Variants in CNTNAP2 observed in about 807,000 individuals in gnomAD.
CNTNAP2 encodes the protein contactin-associated protein-like 2.
In CNTNAP2, 98 loss-of-function variants were observed where a neutral mutation model predicts 155.2. The observed-to-expected ratio is 0.63, with a 90% CI of 0.54 to 0.75. The LOEUF (loss-of-function observed/expected upper bound fraction) is 0.75. Among genes scored for constraint, CNTNAP2 ranks in the 30% least tolerant of loss-of-function variants. CNTNAP2 has a pLI of 0.00. For synonymous variants in CNTNAP2, 651 were observed against 631.2 expected, an observed-to-expected ratio of 1.03 and a Z score of -0.47; for missense variants, 1,727 against 1,688.1, an observed-to-expected ratio of 1.02 and a Z score of -0.40.
chr7:146,391,469 A>G (rs1404005204), intron 1 of CNTNAP2, among the ~76,000 whole-genome samples: 1 of 152,042 alleles, frequency 6.6e-6, no homozygotes, highest in Non-Finnish European at 1.5e-5. Context: ...TTATAGTTTT[A>G]TGAGATTGCC....
At chr7:147,409,332 A>G (rs971834537) in intron 10 of CNTNAP2, among the ~76,000 whole-genome samples, 1 of 152,260 alleles carries the variant, frequency 6.6e-6, no homozygotes, top group African/African-American at 2.4e-5. Flanking sequence ...TGGTGCTGGG[A>G]TAACTGGCTA....
intron 13 of CNTNAP2, among the ~76,000 whole-genome samples, chr7:147,868,612 T>C (rs931720783): frequency 6.6e-6 from 1 of 152,216 alleles, no homozygotes; most frequent in Non-Finnish European, 1.5e-5. Context: ...CTTGCTGAGC[T>C]GTGGTGGGCT....
At chr7:146,355,659 A>T (rs1415492773) in intron 1 of CNTNAP2, among the ~76,000 whole-genome samples, 2 of 152,214 alleles carry the variant, frequency 1.3e-5, no homozygotes, top group Non-Finnish European at 2.9e-5. Context: ...ACTTAAATAC[A>T]GTTAGATACT....
intron 1 of CNTNAP2, among the ~76,000 whole-genome samples, chr7:146,389,223 TCACACACA>T (rs3050929): frequency 4.7e-4 from 62 of 133,294 alleles, no homozygotes; most frequent in Admixed American, 4.1e-3. Context: ...TAGGAAATAG[TCACACACA>T]CACACACACA....
At chr7:147,051,370 C>T (rs959562957) in intron 4 of CNTNAP2, among the ~76,000 whole-genome samples, 2 of 151,846 alleles carry the variant, frequency 1.3e-5, no homozygotes, top group Non-Finnish European at 2.9e-5. Flanking sequence ...TCAATTTATT[C>T]AGTGAACCTG....
At chr7:146,347,359 T>C (rs1794835156) in intron 1 of CNTNAP2, among the ~76,000 whole-genome samples, 2 of 152,100 alleles carry the variant, frequency 1.3e-5, no homozygotes, top group Non-Finnish European at 2.9e-5. Flanking sequence ...AACTTCCCTG[T>C]TGGGAAAGCA....
At chr7:147,827,126 T>A (rs1190070012) in intron 13 of CNTNAP2, among the ~76,000 whole-genome samples, 1 of 152,040 alleles carries the variant, frequency 6.6e-6, no homozygotes, top group Admixed American at 6.6e-5. Flanking sequence ...GAGATGGGGT[T>A]TCGCCATTCA....
intron 20 of CNTNAP2, among the ~76,000 whole-genome samples, chr7:148,264,454 G>A (rs1242000015): frequency 2.0e-5 from 3 of 151,110 alleles, no homozygotes; most frequent in African/African-American, 4.9e-5. Context: ...TATTTTTATC[G>A]ACACAGAGCG....
chr7:147,116,332 G>C (rs540442837), intron 5 of CNTNAP2, among the ~76,000 whole-genome samples: 6 of 152,270 alleles, frequency 3.9e-5, no homozygotes, highest in Admixed American at 6.5e-5. Flanking sequence ...AAGCAGTCTG[G>C]CTGCTTTTTG....
At chr7:146,849,363 G>A (rs749612312) in intron 3 of CNTNAP2, among the ~76,000 whole-genome samples, 1 of 152,102 alleles carries the variant, frequency 6.6e-6, no homozygotes, top group Non-Finnish European at 1.5e-5. Context: ...TTGAATCCAG[G>A]TATACTGACC....
intron 3 of CNTNAP2, among the ~76,000 whole-genome samples, chr7:146,980,252 G>A (rs1296143849): frequency 6.6e-6 from 1 of 152,134 alleles, no homozygotes; most frequent in Non-Finnish European, 1.5e-5. Flanking sequence ...AGGCAAAACA[G>A]AATGTCAGAA....
At chr7:147,796,582 T>TAAA (rs60131482) in intron 13 of CNTNAP2, among the ~76,000 whole-genome samples, 1 of 102,826 alleles carries the variant, frequency 9.7e-6, no homozygotes. Flanking sequence ...CAGGATTTAT[T>TAAA]AAAAAAAAAA....
At chr7:147,658,083 C>T (rs1795553314) in intron 13 of CNTNAP2, among the ~76,000 whole-genome samples, 1 of 130,078 alleles carries the variant, frequency 7.7e-6, no homozygotes, top group Non-Finnish European at 1.7e-5. Flanking sequence ...GGTGAAACCC[C>T]GTCTCTACTA....
At chr7:148,333,741 A>G (rs1244758597) in intron 21 of CNTNAP2, among the ~76,000 whole-genome samples, 2 of 152,226 alleles carry the variant, frequency 1.3e-5, no homozygotes, top group Non-Finnish European at 2.9e-5. Flanking sequence ...CACTGCAGTC[A>G]GAAGAGATGC....
chr7:146,163,782 A>G (rs963778436), intron 1 of CNTNAP2, among the ~76,000 whole-genome samples: 2 of 151,944 alleles, frequency 1.3e-5, no homozygotes, highest in Non-Finnish European at 2.9e-5. Context: ...TTTGTAAGGA[A>G]GAGGGCAGAC....
At chr7:148,079,309 G>A (rs557633359) in intron 15 of CNTNAP2, among the ~76,000 whole-genome samples, 1 of 152,298 alleles carries the variant, frequency 6.6e-6, no homozygotes, top group South Asian at 2.1e-4. Flanking sequence ...GGAAGCCAAG[G>A]GTAGAAGGGG....
At position 147,555,712 on chromosome 7, in the gene CNTNAP2, G is replaced by T. The variant is rs7779042; in HGVS notation, c.1778-6426G>T. 3.6e-3 allele frequency among the ~76,000 whole-genome samples: 549 copies of T among 152,186 alleles called. 7 individuals are homozygous for T. The highest frequency in any genetic ancestry group is 0.012 in the African/African-American group (514 of 41,516). ...AAGTTTCTCACATGGGTTAATACCCGGCCACTTCTAGTGATCCTCATGCTT... is the reference window on the plus strand; with the variant it reads ...AAGTTTCTCACATGGGTTAATACCCTGCCACTTCTAGTGATCCTCATGCTT... On this transcript the variant is annotated intron_variant, in intron 11 of 23. Coordinates refer to ENST00000361727, the MANE Select transcript of CNTNAP2 (RefSeq NM_014141.6).
intron 1 of CNTNAP2, among the ~76,000 whole-genome samples, chr7:146,218,032 CA>C (rs1237223638): frequency 6.6e-6 from 1 of 151,934 alleles, no homozygotes; most frequent in Non-Finnish European, 1.5e-5. Flanking sequence ...ATGTATGGAC[CA>C]AAGGCAAATT....
chr7:146,952,256 C>G (rs1482437832), intron 3 of CNTNAP2, among the ~76,000 whole-genome samples: 1 of 152,008 alleles, frequency 6.6e-6, no homozygotes, highest in Non-Finnish European at 1.5e-5. Context: ...TCTCAATAAA[C>G]TAGGTATTGT....
Sources: allele counts gnomAD v4.1 joint callset (sites outside exome capture counted in the v4.1 genomes callset), GRCh38; gene constraint gnomAD v4.1.1; transcripts MANE v1.5; gene names NCBI Gene and HGNC (gene_info 2026-07-23, HGNC 2026-07-21).